TMC1: variants seen among roughly 807,000 people sequenced by gnomAD.
TMC1 encodes transmembrane channel like 1, also known as transmembrane channel-like protein 1.
A neutral mutation model predicts 105.8 loss-of-function variants in TMC1; 84 were observed. That is an observed-to-expected ratio of 0.79 (90% CI 0.67 to 0.95). The LOEUF (loss-of-function observed/expected upper bound fraction) is 0.95. Among genes scored for constraint, TMC1 ranks in the 40% least tolerant of loss-of-function variants. The probability of loss-of-function intolerance (pLI) is 0.00; values close to 1 mark genes in which losing one functional copy is unlikely to be tolerated. For synonymous variants in TMC1, 315 were observed against 311.5 expected, an observed-to-expected ratio of 1.01 and a Z score of -0.12; for missense variants, 817 against 914.1, an observed-to-expected ratio of 0.89 and a Z score of 1.37.
chr9:72,796,901 G>C (rs1345021041), intron 17 of TMC1, among the ~76,000 whole-genome samples: 1 of 151,906 alleles, frequency 6.6e-6, no homozygotes, highest in Non-Finnish European at 1.5e-5. Context: ...AGAAATGAAG[G>C]GTATCAAAAT....
intron 9 of TMC1, chr9:72,741,435 A>G: frequency 4.8e-6 from 2 of 417,620 alleles, no homozygotes; most frequent in Non-Finnish European, 9.1e-6. Flanking sequence ...CTCCTTTTGA[A>G]TGTTGTACCC....
chr9:72,806,624 G>C (rs1482870163), intron 18 of TMC1, among the ~76,000 whole-genome samples: 1 of 151,440 alleles, frequency 6.6e-6, no homozygotes, highest in Non-Finnish European at 1.5e-5. Context: ...TCCCAGACGG[G>C]GTCGCAGCCG....
intron 1 of TMC1, among the ~76,000 whole-genome samples, chr9:72,555,152 T>C (rs1032577197): frequency 1.3e-5 from 2 of 151,638 alleles, no homozygotes; most frequent in Non-Finnish European, 2.9e-5. Context: ...GTGCTGGAGT[T>C]ACAGCCAAAG....
chr9:72,656,788 C>A (rs1825891711), intron 5 of TMC1, among the ~76,000 whole-genome samples: 2 of 151,658 alleles, frequency 1.3e-5, no homozygotes, highest in Admixed American at 1.3e-4. Context: ...TCTTTTTTTT[C>A]CCCCCTCCGG....
chr9:72,550,312 A>G (rs1397250626), intron 1 of TMC1, among the ~76,000 whole-genome samples: 1 of 151,958 alleles, frequency 6.6e-6, no homozygotes, highest in Non-Finnish European at 1.5e-5. Flanking sequence ...TACTAAAAAT[A>G]CAAAAATTAG....
At chr9:72,659,100 A>G (rs1459892887) in intron 5 of TMC1, among the ~76,000 whole-genome samples, 1 of 152,194 alleles carries the variant, frequency 6.6e-6, no homozygotes, top group Non-Finnish European at 1.5e-5. Flanking sequence ...GCCTATATTC[A>G]CTTCCGCACT....
chr9:72,653,767 C>CCTTCT (rs1324958692), intron 5 of TMC1, among the ~76,000 whole-genome samples: 2 of 152,162 alleles, frequency 1.3e-5, no homozygotes, highest in African/African-American at 4.8e-5. Flanking sequence ...CACATTCCTT[C>CCTTCT]CTTCTCTACA....
chr9:72,784,039 A>C (rs1828132104), intron 13 of TMC1, among the ~76,000 whole-genome samples: 1 of 152,180 alleles, frequency 6.6e-6, no homozygotes, highest in African/African-American at 2.4e-5. Context: ...CTCCAAAAGC[A>C]ATTGCAATAA....
intron 1 of TMC1, among the ~76,000 whole-genome samples, chr9:72,555,772 T>A (rs1823919748): frequency 6.6e-6 from 1 of 150,994 alleles, no homozygotes; most frequent in Non-Finnish European, 1.5e-5. Flanking sequence ...AGGCATGTGC[T>A]GCCACGCCTG....
At chr9:72,660,481 A>C (rs897923629) in intron 5 of TMC1, among the ~76,000 whole-genome samples, 1 of 152,138 alleles carries the variant, frequency 6.6e-6, no homozygotes, top group African/African-American at 2.4e-5. Flanking sequence ...AGAAGAGAGG[A>C]GTTTTCTTGT....
At chr9:72,671,077 G>A (rs778137395) in intron 5 of TMC1, among the ~76,000 whole-genome samples, 3 of 152,178 alleles carry the variant, frequency 2.0e-5, no homozygotes, top group Non-Finnish European at 2.9e-5. Flanking sequence ...TGACACAGTA[G>A]CCATCATAAG....
chr9:72,561,303 G>C (rs576572001), intron 1 of TMC1, among the ~76,000 whole-genome samples: 27 of 126,156 alleles, frequency 2.1e-4, no homozygotes, highest in African/African-American at 8.4e-4. Flanking sequence ...GGGCGGCAGA[G>C]CGAGACTCCG....
intron 1 of TMC1, among the ~76,000 whole-genome samples, chr9:72,541,881 A>G (rs1399703493): frequency 6.6e-6 from 1 of 152,162 alleles, no homozygotes; most frequent in African/African-American, 2.4e-5. Context: ...CTTAGGAAGA[A>G]GTGAGGTCAT....
intron 2 of TMC1, among the ~76,000 whole-genome samples, chr9:72,588,184 A>G (rs905730053): frequency 6.6e-6 from 1 of 152,220 alleles, no homozygotes; most frequent in Non-Finnish European, 1.5e-5. Context: ...TGGTGGTTGT[A>G]GGATGGTGTG....
chr9:72,638,699 T>C (rs1481620458), intron 4 of TMC1, among the ~76,000 whole-genome samples: 1 of 152,118 alleles, frequency 6.6e-6, no homozygotes, highest in African/African-American at 2.4e-5. Context: ...AGAGAGTAAA[T>C]TGATAGAAAG....
At chr9:72,821,400 G>T (rs1191967467) in intron 20 of TMC1, among the ~76,000 whole-genome samples, 2 of 151,990 alleles carry the variant, frequency 1.3e-5, no homozygotes, top group African/African-American at 2.4e-5. Context: ...TACTTGAGAG[G>T]CTGAGGCAGG....
intron 4 of TMC1, among the ~76,000 whole-genome samples, chr9:72,632,184 T>C (rs966168314): frequency 6.6e-6 from 1 of 151,852 alleles, no homozygotes; most frequent in Admixed American, 6.6e-5. Flanking sequence ...TGGTGAGAGA[T>C]GGAGTGAGAG....
At chr9:72,542,961 G>A (rs1179650468) in intron 1 of TMC1, among the ~76,000 whole-genome samples, 4 of 151,882 alleles carry the variant, frequency 2.6e-5, no homozygotes, top group Non-Finnish European at 5.9e-5. Context: ...TTACAGATAT[G>A]AGCCACCGCA....
chr9:72,770,642 A>G (rs1229105537), intron 12 of TMC1, among the ~76,000 whole-genome samples: 1 of 151,970 alleles, frequency 6.6e-6, no homozygotes, highest in African/African-American at 2.4e-5. Flanking sequence ...ATAAAAGGAG[A>G]TTCATTTTGA....
Sources: gnomAD v4.1 joint callset for allele counts (sites outside exome capture counted in the v4.1 genomes callset) on GRCh38, gnomAD v4.1.1 for gene constraint, MANE v1.5 for transcripts, NCBI Gene and HGNC (gene_info 2026-07-23, HGNC 2026-07-21) for gene names.